The following VWF variants were observed in gnomAD, a reference collection of about 807,000 sequenced individuals.
VWF encodes von Willebrand factor, also known as Factor VIII related antigen.
In VWF, 176 loss-of-function variants were observed where a neutral mutation model predicts 308.6. That is an observed-to-expected ratio of 0.57 (90% CI 0.50 to 0.65). The LOEUF (loss-of-function observed/expected upper bound fraction) is 0.65, where lower values mean the gene tolerates loss of function less well. Among genes scored for constraint, VWF ranks in the 30% least tolerant of loss-of-function variants. VWF has a pLI of 0.00. For missense variants in VWF, 3,146 were observed against 3,648.2 expected (o/e 0.86, Z 3.55); for synonymous variants, 1,385 against 1,443.4 (o/e 0.96, Z 0.92).
At chr12:6,118,384 T>A (rs1043697033) in intron 3 of VWF, among the ~76,000 whole-genome samples, 2 of 116,918 alleles carry the variant, frequency 1.7e-5, no homozygotes, top group Admixed American at 1.6e-4. Flanking sequence ...CACTTTTTTT[T>A]TTTTTTTTTT....
chr12:6,057,340 G>A (rs1209196379), intron 14 of VWF, among the ~76,000 whole-genome samples: 2 of 107,306 alleles, frequency 1.9e-5, no homozygotes, highest in Non-Finnish European at 3.5e-5. Context: ...GGAGAGACAC[G>A]GTCTTGCTCT....
chr12:6,084,547 G>A (rs763581), intron 6 of VWF, among the ~76,000 whole-genome samples: 15,357 of 152,130 alleles, frequency 0.1, 937 homozygotes, highest in African/African-American at 0.18. Flanking sequence ...AGGAGGGAAA[G>A]CAAGCACATC....
At chr12:5,972,777 G>C (rs191200584) in intron 43 of VWF, among the ~76,000 whole-genome samples, 3 of 152,200 alleles carry the variant, frequency 2.0e-5, no homozygotes, top group African/African-American at 7.2e-5. Context: ...TACTACGGAG[G>C]AGACAACAAA....
intron 5 of VWF, among the ~76,000 whole-genome samples, chr12:6,101,529 C>A (rs951782340): frequency 5.9e-5 from 9 of 151,978 alleles, no homozygotes; most frequent in African/African-American, 2.2e-4. Flanking sequence ...GTAATCTCAG[C>A]ATTTTGGGAG....
At chr12:5,964,518 C>T (rs966869118) in intron 47 of VWF, among the ~76,000 whole-genome samples, 3 of 152,216 alleles carry the variant, frequency 2.0e-5, no homozygotes, top group Admixed American at 2.0e-4. Flanking sequence ...CATTTTGCCA[C>T]ATTTAGTGAT....
intron 20 of VWF, among the ~76,000 whole-genome samples, chr12:6,032,899 CAT>C (rs925939119): frequency 6.6e-6 from 1 of 151,702 alleles, no homozygotes; most frequent in African/African-American, 2.4e-5. Context: ...CATACACATA[CAT>C]ACACACACGT....
At chr12:6,011,414 A>T (rs867443201) in intron 34 of VWF, among the ~76,000 whole-genome samples, 1 of 152,182 alleles carries the variant, frequency 6.6e-6, no homozygotes, top group Non-Finnish European at 1.5e-5. Flanking sequence ...ACAGAGAAAG[A>T]GGGCAGTGAT....
chr12:5,951,836 G>T lies in VWF; in HGVS notation c.8155+8C>A. On this transcript the variant is annotated splice_region_variant and intron_variant, in intron 50 of 51. Transcript: ENST00000261405. ...TTTCAAGGGACAAGATATTAGTAACGCACTCACATGTGTCACAGCAGGTGC... is the reference window on the plus strand; with the variant it reads ...TTTCAAGGGACAAGATATTAGTAACTCACTCACATGTGTCACAGCAGGTGC... 1 of 1,614,142 alleles carries T rather than the reference G, an allele frequency of 6.2e-7. No homozygotes were observed. Among genetic ancestry groups the T allele is most frequent in the Non-Finnish European group, 8.5e-7 (1 of 1,179,978 alleles).
chr12:6,016,219 G>A lies in VWF; in HGVS notation c.5325C>T (p.Gly1775=), dbSNP rs776819357. 1 of 1,614,170 alleles carries A rather than the reference G, an allele frequency of 6.2e-7. No homozygotes were observed. Among genetic ancestry groups the A allele is most frequent in the South Asian group, 1.1e-5 (1 of 91,066 alleles). ...GGPSQIGDAL[G]FAVRYLTSEM... is the part of the protein sequence containing the mutation. ...CTGAAGTCAAGTATCGCACAGCAAA[G>A]CCCAAGGCATCCCCTGAGGATGGAG... is the stretch of plus-strand genomic sequence containing the variant. Residue 1775 remains glycine (G), a synonymous_variant, in exon 31 of 52, where the codon GGC becomes GGT. Transcript: ENST00000261405.
intron 6 of VWF, among the ~76,000 whole-genome samples, chr12:6,076,583 CT>C (rs1471126332): frequency 1.3e-5 from 2 of 152,168 alleles, no homozygotes; most frequent in African/African-American, 4.8e-5. Flanking sequence ...ACTGACAAAG[CT>C]GCAAGTTCAT....
intron 16 of VWF, among the ~76,000 whole-genome samples, chr12:6,049,482 A>G (rs548912208): frequency 6.6e-6 from 1 of 152,258 alleles, no homozygotes; most frequent in African/African-American, 2.4e-5. Flanking sequence ...TGCCCTCCCA[A>G]GTCATACCAA....
At chr12:6,087,411 T>C (rs1417763743) in intron 6 of VWF, among the ~76,000 whole-genome samples, 1 of 141,038 alleles carries the variant, frequency 7.1e-6, no homozygotes, top group Non-Finnish European at 1.5e-5. Context: ...CAGGCTGGAG[T>C]GCAGTGGTGC....
At chr12:6,004,980 T>C (rs1943910717) in intron 34 of VWF, among the ~76,000 whole-genome samples, 1 of 152,142 alleles carries the variant, frequency 6.6e-6, no homozygotes, top group African/African-American at 2.4e-5. Flanking sequence ...ATCATAAAAA[T>C]GCCAGTTCTC....
At chr12:5,963,335 AT>A (rs1423906950) in intron 47 of VWF, among the ~76,000 whole-genome samples, 1 of 152,246 alleles carries the variant, frequency 6.6e-6, no homozygotes, top group Non-Finnish European at 1.5e-5. Flanking sequence ...ATCACAAAAG[AT>A]GATATGGCCA....
At position 6,049,083 on chromosome 12, in the gene VWF, G is replaced by A. The variant is rs979377211; in HGVS notation, c.2187-2266C>T. Among the ~76,000 whole-genome samples the A allele has an allele frequency of 5.3e-5, 8 of 152,240 alleles. No individual in the cohort carries two copies. In the South Asian group the frequency reaches 6.2e-4, roughly 12 times the overall value. ...GATGGCCGCTGGGATGACCAAGCAC[G>A]CGGTCTGCAGAACCTCCAGGCCACA... On this transcript the variant is annotated intron_variant, in intron 16 of 51. Transcript: ENST00000261405.
intron 10 of VWF, among the ~76,000 whole-genome samples, chr12:6,066,636 A>T (rs1053453484): frequency 6.6e-6 from 1 of 152,178 alleles, no homozygotes; most frequent in African/African-American, 2.4e-5. Context: ...CAGATGCTAG[A>T]CCAACGTTGG....
At chr12:6,012,434 G>A (rs1944007792) in intron 32 of VWF, among the ~76,000 whole-genome samples, 1 of 152,180 alleles carries the variant, frequency 6.6e-6, no homozygotes, top group Non-Finnish European at 1.5e-5. Context: ...GGATGGGGAA[G>A]GTGGGGAGAT....
intron 27 of VWF, chr12:6,021,363 G>A (rs1459495630): frequency 6.3e-6 from 1 of 159,996 alleles, no homozygotes; most frequent in African/African-American, 2.4e-5. Flanking sequence ...CTCCCCAAAG[G>A]CCAGTTTCCC....
At chr12:6,040,900 C>T (rs11064005) in intron 18 of VWF, among the ~76,000 whole-genome samples, 5,844 of 152,228 alleles carry the variant, frequency 0.038, 136 homozygotes, top group Middle Eastern at 0.071. Flanking sequence ...TCTGGGCATA[C>T]GGTGGACACT....
Sources: allele counts gnomAD v4.1 joint callset (sites outside exome capture counted in the v4.1 genomes callset), GRCh38; gene constraint gnomAD v4.1.1; transcripts MANE v1.5; gene names NCBI Gene and HGNC (gene_info 2026-07-23, HGNC 2026-07-21).